The following ZRANB3 variants were observed in gnomAD, a reference collection of about 807,000 sequenced individuals.
ZRANB3 encodes zinc finger RANBP2-type containing 3.
A neutral mutation model predicts 133.8 loss-of-function variants in ZRANB3; 125 were observed. That is an observed-to-expected ratio of 0.93 (90% CI 0.81 to 1.08). ZRANB3 has a LOEUF of 1.08. Ranked by LOEUF, ZRANB3 falls within the 50% of genes least tolerant of loss-of-function variation. The probability of loss-of-function intolerance (pLI) is 0.00; values close to 1 mark genes in which losing one functional copy is unlikely to be tolerated. For synonymous variants in ZRANB3, 387 were observed against 432.7 expected (o/e 0.89, Z 1.31); for missense variants, 1,229 against 1,275.5 (o/e 0.96, Z 0.56).
chr2:135,379,473 T>G lies in ZRANB3; in HGVS notation c.180+11329A>C, dbSNP rs530305322. On this transcript the variant is annotated intron_variant, in intron 3 of 20. Transcript: ENST00000264159. ...AGCTGAATCACTCCAATTATTTCAC[T>G]TGAGGTCAAATATCAGGTCCCGGCA... Among the ~76,000 whole-genome samples the G allele has an allele frequency of 4.6e-5, 7 of 152,328 alleles. No individual in the cohort carries two copies. In the South Asian group the frequency reaches 1.5e-3, roughly 32 times the overall value.
At chr2:135,252,915 G>C (rs1452418349) in intron 12 of ZRANB3, among the ~76,000 whole-genome samples, 1 of 152,016 alleles carries the variant, frequency 6.6e-6, no homozygotes, top group Non-Finnish European at 1.5e-5. Context: ...ATTCCACTCA[G>C]GTCTCATTTT....
chr2:135,385,643 T>C (rs1291909056), intron 3 of ZRANB3, among the ~76,000 whole-genome samples: 1 of 152,130 alleles, frequency 6.6e-6, no homozygotes, highest in Non-Finnish European at 1.5e-5. Context: ...AACAGATATA[T>C]TGAGCAATAG....
rs1436457496 is a variant in ZRANB3 at position 135,197,649 on chromosome 2, G to C, written c.*2693C>G. The C allele has an allele frequency of 6.6e-6, 1 of 152,266 alleles. No individual in the cohort carries two copies. The highest frequency in any genetic ancestry group is 1.5e-5 in the Non-Finnish European group (1 of 68,074). 9.4% of individuals were successfully genotyped at this position (152,266 alleles called of 1,614,324 possible). ...TGGGATCAATGTCACCCAGTGACGG[G>C]AACAGGAAGGCAGGCCAGCCTGATG... On this transcript the variant is annotated 3_prime_UTR_variant, in exon 21 of 21. Coordinates refer to ENST00000264159, the MANE Select transcript of ZRANB3 (RefSeq NM_032143.4).
chr2:135,449,600 A>AGTGAGTACACTC (rs1559006689), intron 2 of ZRANB3, among the ~76,000 whole-genome samples: 1 of 152,168 alleles, frequency 6.6e-6, no homozygotes, highest in Non-Finnish European at 1.5e-5. Context: ...AGCTTGGGTA[A>AGTGAGTACACTC]CAGAGTGAGA....
intron 2 of ZRANB3, among the ~76,000 whole-genome samples, chr2:135,477,817 G>A (rs1324702458): frequency 1.3e-5 from 2 of 152,044 alleles, no homozygotes; most frequent in Admixed American, 6.6e-5. Context: ...AACACAGTGA[G>A]ACTCCATGCC....
chr2:135,457,496 C>A (rs1369332316), intron 2 of ZRANB3, among the ~76,000 whole-genome samples: 1 of 152,090 alleles, frequency 6.6e-6, no homozygotes, highest in Non-Finnish European at 1.5e-5. Context: ...TTATAGCCAT[C>A]CTCATGGGTA....
chr2:135,237,688 A>G (rs1695356870), intron 12 of ZRANB3, among the ~76,000 whole-genome samples: 1 of 152,106 alleles, frequency 6.6e-6, no homozygotes, highest in Non-Finnish European at 1.5e-5. Flanking sequence ...AACTATCGCA[A>G]GGACAAAAAA....
rs115571889 is a variant in ZRANB3, at chr2:135,412,501, G to A, written c.162-21681C>T. Reference sequence around the variant, plus strand: ...GCTTTTTTATATAAAATATATTTTCGTTTTTAACTACAAAATATTCTAATG... The same window carrying A: ...GCTTTTTTATATAAAATATATTTTCATTTTTAACTACAAAATATTCTAATG... On this transcript the variant is annotated intron_variant, in intron 2 of 20. Transcript: ENST00000264159. Among the ~76,000 whole-genome samples, 541 of 151,638 alleles carry A rather than the reference G, an allele frequency of 3.6e-3. 4 individuals are homozygous for A. The highest frequency in any genetic ancestry group is 0.012 in the African/African-American group (501 of 41,326).
At chr2:135,414,891 G>A (rs1428273670) in intron 2 of ZRANB3, among the ~76,000 whole-genome samples, 2 of 152,058 alleles carry the variant, frequency 1.3e-5, no homozygotes, top group Admixed American at 6.6e-5. Flanking sequence ...AAATAAAGAT[G>A]TTCTTTGAAA....
intron 2 of ZRANB3, among the ~76,000 whole-genome samples, chr2:135,421,866 A>G (rs1022220206): frequency 6.9e-6 from 1 of 144,940 alleles, no homozygotes; most frequent in Non-Finnish European, 1.5e-5. Context: ...TCCTTCTTGA[A>G]TACTTTTATT....
chr2:135,331,123 TTGCTTCTCTAGTTCTTTTAAC>T (rs1178462157), intron 6 of ZRANB3, among the ~76,000 whole-genome samples: 1 of 152,198 alleles, frequency 6.6e-6, no homozygotes, highest in Non-Finnish European at 1.5e-5. Flanking sequence ...GTGTTTGCTC[TTGCTTCTCTAGTTCTTTTAAC>T]TGTGATATTA....
intron 8 of ZRANB3, among the ~76,000 whole-genome samples, chr2:135,283,906 C>T (rs1302319910): frequency 1.3e-5 from 2 of 150,954 alleles, no homozygotes; most frequent in Non-Finnish European, 3.0e-5. Flanking sequence ...TGCTTGAGCC[C>T]GGAAGTTAGA....
At chr2:135,275,119 G>A (rs1443386037) in intron 9 of ZRANB3, among the ~76,000 whole-genome samples, 6 of 151,644 alleles carry the variant, frequency 4.0e-5, no homozygotes, top group Middle Eastern at 3.4e-3. Flanking sequence ...ATCATGGCCC[G>A]TTCTCAATGA....
intron 6 of ZRANB3, among the ~76,000 whole-genome samples, chr2:135,328,562 C>G (rs902940647): frequency 6.1e-5 from 9 of 148,518 alleles, no homozygotes; most frequent in African/African-American, 1.7e-4. Context: ...ACTTATAATC[C>G]TTAGAGTATA....
chr2:135,231,222 G>C (rs1694998034), intron 12 of ZRANB3, among the ~76,000 whole-genome samples: 1 of 152,170 alleles, frequency 6.6e-6, no homozygotes, highest in Admixed American at 6.5e-5. Context: ...GTCAATACTA[G>C]TATTATTATA....
chr2:135,335,692 C>CAAACAAAACA (rs554931885), intron 6 of ZRANB3, among the ~76,000 whole-genome samples: 256 of 151,816 alleles, frequency 1.7e-3, no homozygotes, highest in African/African-American at 5.6e-3. Context: ...GACTCTGTCT[C>CAAACAAAACA]AAACAAAACA....
chr2:135,366,607 G>A (rs1300973830), intron 3 of ZRANB3, among the ~76,000 whole-genome samples: 2 of 151,484 alleles, frequency 1.3e-5, no homozygotes, highest in African/African-American at 4.9e-5. Flanking sequence ...AGAAAGACAT[G>A]GAATGTTACA....
chr2:135,306,675 G>A (rs1239988637), intron 8 of ZRANB3, among the ~76,000 whole-genome samples: 7 of 150,236 alleles, frequency 4.7e-5, no homozygotes, highest in East Asian at 3.9e-4. Flanking sequence ...TGCAACATCC[G>A]ATTCCTGGGT....
chr2:135,403,329 C>A (rs939053333), intron 2 of ZRANB3, among the ~76,000 whole-genome samples: 1 of 152,226 alleles, frequency 6.6e-6, no homozygotes, highest in Non-Finnish European at 1.5e-5. Context: ...CTCGGAGGGT[C>A]CTCCGCCCAC....
Sources: gnomAD v4.1 joint callset for allele counts (sites outside exome capture counted in the v4.1 genomes callset) on GRCh38, gnomAD v4.1.1 for gene constraint, MANE v1.5 for transcripts, NCBI Gene and HGNC (gene_info 2026-07-23, HGNC 2026-07-21) for gene names.